The following PRIM2 variants were observed in gnomAD, a reference collection of about 807,000 sequenced individuals.
PRIM2 encodes the protein DNA primase large subunit.
In PRIM2, 39 loss-of-function variants were observed where a neutral mutation model predicts 67.3. That is an observed-to-expected ratio of 0.58 (90% CI 0.45 to 0.76). The LOEUF is 0.76. PRIM2 is among the 30% of genes least tolerant of loss of function. PRIM2 has a pLI of 0.00. For missense variants in PRIM2, 398 were observed against 598.7 expected, an observed-to-expected ratio of 0.66 and a Z score of 3.50; for synonymous variants, 143 against 198.7, an observed-to-expected ratio of 0.72 and a Z score of 2.36.
chr6:57,250,549 G>T, the PRIM2 span, among the ~76,000 whole-genome samples: 1 of 152,156 alleles, frequency 6.6e-6, no homozygotes, highest in African/African-American at 2.4e-5. Flanking sequence ...TTTAGATTGA[G>T]GAGTCAAGGA....
At chr6:57,323,002 CCTGAACAAGTTACATAACTT>C (rs1190697566) in intron 3 of PRIM2, among the ~76,000 whole-genome samples, 1 of 151,958 alleles carries the variant, frequency 6.6e-6, no homozygotes, top group African/African-American at 2.4e-5. Flanking sequence ...GCTTTGTGAC[CCTGAACAAGTTACATAACTT>C]CTCTGTGCCT....
intron 10 of PRIM2, among the ~76,000 whole-genome samples, chr6:57,575,067 C>G (rs1775938012): frequency 1.3e-5 from 2 of 152,152 alleles, no homozygotes; most frequent in African/African-American, 4.8e-5. Flanking sequence ...GTATACCCAA[C>G]TACCTGCTCT....
intron 13 of PRIM2, among the ~76,000 whole-genome samples, chr6:57,639,106 A>G (rs1157894083): frequency 6.6e-6 from 1 of 152,234 alleles, no homozygotes; most frequent in Non-Finnish European, 1.5e-5. Flanking sequence ...AACTCACTCA[A>G]AACTGCACAA....
intron 7 of PRIM2, among the ~76,000 whole-genome samples, chr6:57,468,206 C>T (rs1463494825): frequency 8.5e-5 from 13 of 152,208 alleles, no homozygotes; most frequent in South Asian, 6.2e-4. Context: ...TGTCTTGCGC[C>T]GATTTTCAAA....
At chr6:57,224,116 C>G in the PRIM2 span, among the ~76,000 whole-genome samples, 1 of 152,092 alleles carries the variant, frequency 6.6e-6, no homozygotes, top group African/African-American at 2.4e-5. Context: ...GTAGTATATA[C>G]ATGCAATAAA....
At chr6:57,235,232 G>T in the PRIM2 span, among the ~76,000 whole-genome samples, 1 of 152,122 alleles carries the variant, frequency 6.6e-6, no homozygotes, top group South Asian at 2.1e-4. Flanking sequence ...GGAGGCCAAG[G>T]CAAGCAGATC....
intron 7 of PRIM2, among the ~76,000 whole-genome samples, chr6:57,474,921 T>C (rs1773439093): frequency 6.6e-6 from 1 of 152,192 alleles, no homozygotes; most frequent in Non-Finnish European, 1.5e-5. Flanking sequence ...ACTCTTTTTT[T>C]CCAGGGGAGC....
rs1266958636 is a variant in PRIM2 at position 57,476,702 on chromosome 6, A to G, written c.694-30685A>G. Among the ~76,000 whole-genome samples the G allele has an allele frequency of 3.9e-5, 6 of 152,268 alleles. No individual in the cohort carries two copies. In the East Asian group the frequency reaches 1.2e-3, roughly 29 times the overall value. On this transcript the variant is annotated intron_variant, in intron 7 of 13. Transcript: ENST00000615550. ...TGTAGGCCACCCTGACTCATTGGTTATAATATTGTGTAGTATAAGTAATTG... is the reference window on the plus strand; with the variant it reads ...TGTAGGCCACCCTGACTCATTGGTTGTAATATTGTGTAGTATAAGTAATTG...
chr6:57,444,018 G>C (rs1362411469), intron 7 of PRIM2, among the ~76,000 whole-genome samples: 1 of 152,156 alleles, frequency 6.6e-6, no homozygotes, highest in Non-Finnish European at 1.5e-5. Flanking sequence ...TTGTTGAATA[G>C]ACCGTCCTTT....
At chr6:57,465,831 A>G (rs1293990703) in intron 7 of PRIM2, among the ~76,000 whole-genome samples, 12 of 148,714 alleles carry the variant, frequency 8.1e-5, no homozygotes, top group African/African-American at 2.8e-4. Context: ...CTTTTTTTTT[A>G]TAATTATACT....
chr6:57,272,189 C>A, the PRIM2 span, among the ~76,000 whole-genome samples: 1 of 152,034 alleles, frequency 6.6e-6, no homozygotes, highest in Admixed American at 6.6e-5. Context: ...TCCTTGTTAA[C>A]TTTCTGTCTC....
chr6:57,447,481 G>A (rs1772404535), intron 7 of PRIM2, among the ~76,000 whole-genome samples: 1 of 152,212 alleles, frequency 6.6e-6, no homozygotes, highest in African/African-American at 2.4e-5. Flanking sequence ...CCAAATATGG[G>A]TAGTTGGAGA....
chr6:57,428,586 G>A (rs570460880), intron 7 of PRIM2, among the ~76,000 whole-genome samples: 1 of 152,172 alleles, frequency 6.6e-6, no homozygotes, highest in East Asian at 1.9e-4. Context: ...GGACATGAGT[G>A]TTTGGGTTAG....
chr6:57,292,339 A>G, the PRIM2 span, among the ~76,000 whole-genome samples: 1 of 152,212 alleles, frequency 6.6e-6, no homozygotes, highest in Non-Finnish European at 1.5e-5. Flanking sequence ...GCTCAATGAA[A>G]TAAAAGAGGA....
chr6:57,387,036 G>A (rs1158375787), intron 7 of PRIM2, among the ~76,000 whole-genome samples: 1 of 152,100 alleles, frequency 6.6e-6, no homozygotes, highest in African/African-American at 2.4e-5. Flanking sequence ...ATAAAAAATT[G>A]ACATTACTTT....
rs1443005924 is a variant in PRIM2 at position 57,380,146 on chromosome 6, G to C, written c.555+150G>C. The C allele has an allele frequency of 3.0e-5, 19 of 627,806 alleles. No individual in the cohort carries two copies. The Admixed American group carries it at 6.4e-4, about 21-fold the overall frequency. 38.9% of individuals were successfully genotyped at this position (627,806 alleles called of 1,614,324 possible). ...ATACTGTCCTCATTGCACTAATGGT[G>C]TGCCAATGTTCTCTCCTGGGCTGTC... On this transcript the variant is annotated intron_variant, in intron 6 of 13. Transcript: ENST00000615550.
At chr6:57,338,856 G>A (rs912113716) in intron 5 of PRIM2, among the ~76,000 whole-genome samples, 2 of 149,778 alleles carry the variant, frequency 1.3e-5, no homozygotes, top group Non-Finnish European at 1.5e-5. Flanking sequence ...TCTGGCCAGG[G>A]CAATTAGGCA....
At chr6:57,456,791 C>G (rs1425618458) in intron 7 of PRIM2, among the ~76,000 whole-genome samples, 1 of 152,134 alleles carries the variant, frequency 6.6e-6, no homozygotes, top group South Asian at 2.1e-4. Flanking sequence ...CTCAACTTGT[C>G]AAAGTCATTC....
chr6:57,618,049 T>C (rs1359680134), intron 12 of PRIM2, among the ~76,000 whole-genome samples: 1 of 152,192 alleles, frequency 6.6e-6, no homozygotes, highest in Non-Finnish European at 1.5e-5. Flanking sequence ...GACATAGATG[T>C]ATGGGATAAT....
Sources: gnomAD v4.1 joint callset for allele counts (sites outside exome capture counted in the v4.1 genomes callset) on GRCh38, gnomAD v4.1.1 for gene constraint, MANE v1.5 for transcripts, NCBI Gene and HGNC (gene_info 2026-07-23, HGNC 2026-07-21) for gene names.